The following SH3PXD2B variants were observed in gnomAD, a reference collection of about 807,000 sequenced individuals.
SH3PXD2B encodes the protein SH3 and PX domain-containing protein 2B.
Under a neutral mutation model 73.1 loss-of-function variants are expected in SH3PXD2B, and 37 were observed. The ratio of observed to expected loss-of-function variants is 0.51; its 90% CI spans 0.39 to 0.67. SH3PXD2B has a LOEUF of 0.67. Among genes scored for constraint, SH3PXD2B ranks in the 30% least tolerant of loss-of-function variants. The pLI is 0.00. For synonymous variants in SH3PXD2B, 457 were observed against 480.5 expected, an observed-to-expected ratio of 0.95 and a Z score of 0.64; for missense variants, 1,053 against 1,197.8, an observed-to-expected ratio of 0.88 and a Z score of 1.78.
chr5:172,400,396 T>C (rs1355547423), intron 3 of SH3PXD2B, among the ~76,000 whole-genome samples: 1 of 152,218 alleles, frequency 6.6e-6, no homozygotes, highest in Non-Finnish European at 1.5e-5. Context: ...ACTTATTTTA[T>C]TTCTTATCGG....
chr5:172,451,270 T>A (rs1759790650), intron 1 of SH3PXD2B, among the ~76,000 whole-genome samples: 1 of 152,142 alleles, frequency 6.6e-6, no homozygotes, highest in Admixed American at 6.5e-5. Context: ...CCGAGATGGC[T>A]GCAAATGGGG....
chr5:172,337,411 C>A lies in SH3PXD2B; in HGVS notation c.*958G>T. 2.0e-6 allele frequency: 2 copies of A among 979,726 alleles called. No individual in the cohort carries two copies. The highest frequency in any genetic ancestry group is 2.4e-6 in the Non-Finnish European group (2 of 824,772). 60.7% of individuals were successfully genotyped at this position (979,726 alleles called of 1,614,324 possible). On this transcript the variant is annotated 3_prime_UTR_variant, in exon 13 of 13. Coordinates refer to ENST00000311601, the MANE Select transcript of SH3PXD2B (RefSeq NM_001017995.3). The stretch of plus-strand genomic sequence containing the variant: ...CTGGTGTGTCCTTGGGCACATGGAG[C>A]GTGAATTTCCTCATCTATAAAGGGA...
In SH3PXD2B at chr5:172,339,417, A is replaced by G. The variant is rs774555263; in HGVS notation, c.1688T>C (p.Met563Thr). ...TPKPPGVILPMMPAKHIPPAR... is the reference protein window; with the variant it reads ...TPKPPGVILPTMPAKHIPPAR... ...TGGAGGGATGTGTTTGGCTGGCATC[A>G]TCGGCAAAATCACGCCCGGAGGCTT... The change falls in exon 13 of 13, where the codon ATG becomes ACG. Residue 563 changes from methionine (M) to threonine (T), a missense_variant. Physicochemically the swap from Met to Thr is moderately conservative, Grantham distance 81. Coordinates refer to ENST00000311601, the MANE Select transcript of SH3PXD2B (RefSeq NM_001017995.3). The surrounding 1 kb of genome is among the most constrained non-coding windows in gnomAD (Gnocchi z 6.1). 1.2e-6 allele frequency: 2 copies of G among 1,614,162 alleles called. No individual in the cohort carries two copies. The highest frequency in any genetic ancestry group is 1.1e-5 in the South Asian group (1 of 91,082).
chr5:172,414,548 G>A (rs545649758), intron 2 of SH3PXD2B, among the ~76,000 whole-genome samples: 2 of 151,834 alleles, frequency 1.3e-5, no homozygotes, highest in South Asian at 4.2e-4. Context: ...TGCATGACTT[G>A]GGACAGTCTC....
chr5:172,329,083 A>ATATATT (rs58472514), downstream of SH3PXD2B, among the ~76,000 whole-genome samples: 39 of 61,802 alleles, frequency 6.3e-4, no homozygotes, highest in African/African-American at 2.7e-3. Flanking sequence ...ATATATATAT[A>ATATATT]TTTTTTTTTT....
At chr5:172,424,793 T>TG (rs139069288) in intron 1 of SH3PXD2B, among the ~76,000 whole-genome samples, 4,765 of 152,196 alleles carry the variant, frequency 0.031, 118 homozygotes, top group African/African-American at 0.069. Context: ...TCTGGTAAAA[T>TG]GGGGTCATCA....
chr5:172,343,807 A>G (rs1362869744), intron 12 of SH3PXD2B, among the ~76,000 whole-genome samples: 1 of 151,478 alleles, frequency 6.6e-6, no homozygotes, highest in Non-Finnish European at 1.5e-5. Flanking sequence ...TCCGTCTCAA[A>G]GAAAAAAAAA....
rs192682284 is a variant in SH3PXD2B, at chr5:172,421,261, G to A, written c.156+1155C>T. Among the ~76,000 whole-genome samples the A allele has an allele frequency of 5.3e-5, 8 of 152,106 alleles. No homozygotes were observed. The highest frequency in any genetic ancestry group is 7.3e-5 in the Non-Finnish European group (5 of 68,032). ...CTACCTCCCACACTTGCTGTTACAC[G>A]CCATTAGTGACATCAAGAAGAAACT... is the stretch of plus-strand genomic sequence containing the variant. On this transcript the variant is annotated intron_variant, in intron 2 of 12. Coordinates refer to ENST00000311601, the MANE Select transcript of SH3PXD2B (RefSeq NM_001017995.3). This position sits in a 1 kb window ranked among gnomAD's most constrained non-coding sequence, Gnocchi z 4.0.
At chr5:172,326,636 G>C (rs1220141088) in intron 12 of SH3PXD2B, among the ~76,000 whole-genome samples, 1 of 152,106 alleles carries the variant, frequency 6.6e-6, no homozygotes, top group African/African-American at 2.4e-5. Flanking sequence ...ACTAGGCAGG[G>C]GTTGTCAAGC....
At position 172,368,472 on chromosome 5, in the gene SH3PXD2B, ATATATATATAAAATATATATATAT is replaced by A. The variant is rs1561907854; in HGVS notation, c.427+5294_427+5317del. Reference sequence around the variant, plus strand: ...GAATGCTTATATATATATATATTATATATATATATAAAATATATATATATTATATATATATATATAAAATATATA... The same window carrying A: ...GAATGCTTATATATATATATATTATATATATATATATATATAAAATATATA... On this transcript the variant is annotated intron_variant, in intron 6 of 12. Coordinates refer to ENST00000311601, the MANE Select transcript of SH3PXD2B (RefSeq NM_001017995.3). Among the ~76,000 whole-genome samples, 4 of 25,552 alleles carry A rather than the reference ATATATATATAAAATATATATATAT, an allele frequency of 1.6e-4. 1 individual carries two copies. Among genetic ancestry groups the A allele is most frequent in the African/African-American group, 3.9e-4 (2 of 5,072 alleles). The allele number at this position is 25,552 out of a possible 152,430, so 16.8% of individuals were successfully genotyped here.
chr5:172,410,760 C>T (rs1458666235), intron 2 of SH3PXD2B, among the ~76,000 whole-genome samples: 1 of 152,212 alleles, frequency 6.6e-6, no homozygotes, highest in Non-Finnish European at 1.5e-5. Flanking sequence ...ACAACTAACA[C>T]GTATATAACA....
Position 172,382,116 on chromosome 5 carries a change from C to G in SH3PXD2B, c.321G>C (p.Gln107His). The G allele has an allele frequency of 6.2e-7, 1 of 1,607,404 alleles. No homozygotes were observed. The highest frequency in any genetic ancestry group is 1.1e-5 in the South Asian group (1 of 89,582). Residue 107 changes from glutamine to histidine, a missense_variant, in exon 5 of 13, where the codon CAG becomes CAC. By Grantham distance (24) the Gln-to-His change is conservative. Transcript: ENST00000311601. ...PIDEYCKALI[Q>H]LPPYISQCDE... ...CACACTGAGAGATGTAGGGGGGCAGCTGGATGAGGGCCTGGAGAAGAGAGA... is the reference window on the plus strand; with the variant it reads ...CACACTGAGAGATGTAGGGGGGCAGGTGGATGAGGGCCTGGAGAAGAGAGA...
At chr5:172,414,424 G>A (rs1249150541) in intron 2 of SH3PXD2B, among the ~76,000 whole-genome samples, 8 of 143,644 alleles carry the variant, frequency 5.6e-5, no homozygotes, top group East Asian at 2.1e-4. Context: ...AGCCGAGATC[G>A]CGCCACTGCA....
chr5:172,409,863 G>A (rs1159815423), intron 2 of SH3PXD2B, among the ~76,000 whole-genome samples: 1 of 152,162 alleles, frequency 6.6e-6, no homozygotes, highest in Admixed American at 6.5e-5. Flanking sequence ...TTACAGGCAT[G>A]GGTCACCACA....
intron 4 of SH3PXD2B, among the ~76,000 whole-genome samples, chr5:172,390,213 C>A (rs958018506): frequency 1.3e-5 from 2 of 152,324 alleles, no homozygotes; most frequent in South Asian, 4.1e-4. Context: ...TCTTCTACCA[C>A]CCCCAGGTCT....
At chr5:172,409,251 G>A (rs57363492) in intron 2 of SH3PXD2B, among the ~76,000 whole-genome samples, 55,186 of 151,670 alleles carry the variant, frequency 0.36, 10,681 homozygotes, top group East Asian at 0.69. Context: ...GCGTGGTGGC[G>A]GGCACCTGTA....
chr5:172,411,392 T>C (rs1316017954), intron 2 of SH3PXD2B, among the ~76,000 whole-genome samples: 1 of 152,176 alleles, frequency 6.6e-6, no homozygotes, highest in Admixed American at 6.5e-5. Flanking sequence ...CTCTTGCCCT[T>C]TGTCCTGACT....
In SH3PXD2B at chr5:172,390,009, C is replaced by T. The variant is rs185093432; in HGVS notation, c.309+4554G>A. On this transcript the variant is annotated intron_variant, in intron 4 of 12. Transcript: ENST00000311601. ...CTGGGATTACAGGCATGAGCCACTG[C>T]GCCTGGACTAATACTTTTTAACAGA... Among the ~76,000 whole-genome samples the T allele has an allele frequency of 1.7e-4, 26 of 152,286 alleles. 1 individual carries two copies. The highest frequency in any genetic ancestry group is 1.3e-4 in the Admixed American group (2 of 15,298).
chr5:172,401,246 C>T (rs755767060), intron 3 of SH3PXD2B, among the ~76,000 whole-genome samples: 1 of 152,204 alleles, frequency 6.6e-6, no homozygotes, highest in Non-Finnish European at 1.5e-5. Context: ...CGTATTCCTA[C>T]AATGAGACTG....
Sources: allele counts gnomAD v4.1 joint callset (sites outside exome capture counted in the v4.1 genomes callset), GRCh38; gene constraint gnomAD v4.1.1; non-coding constraint Gnocchi (gnomAD v3.1); transcripts MANE v1.5; gene names NCBI Gene and HGNC (gene_info 2026-07-23, HGNC 2026-07-21).